MED22: variants seen among roughly 807,000 people sequenced by gnomAD.
MED22 encodes the protein mediator complex subunit 22.
In MED22, 22 loss-of-function variants were observed where a neutral mutation model predicts 22.7. The ratio of observed to expected loss-of-function variants is 0.97; its 90% CI spans 0.69 to 1.38. The LOEUF is 1.38. Among genes scored for constraint, MED22 ranks in the 40% most tolerant of loss-of-function variants. MED22 has a pLI of 0.00. For synonymous variants in MED22, 134 were observed against 119.4 expected (o/e 1.12, Z -0.80); for missense variants, 247 against 263.0 (o/e 0.94, Z 0.42).
rs1002726303 is a variant in MED22 at position 133,343,375 on chromosome 9, C to G, written c.413+750G>C. On this transcript the variant is annotated intron_variant, in intron 4 of 4. Transcript: ENST00000343730. ...TCCCTGTCTCCAGCCTAAGTTTCCCCCTAAGTAAATGATACGTAGACTCTG... is the reference window on the plus strand; with the variant it reads ...TCCCTGTCTCCAGCCTAAGTTTCCCGCTAAGTAAATGATACGTAGACTCTG... 4.1e-6 allele frequency: 5 copies of G among 1,230,398 alleles called. No individual in the cohort carries two copies. The South Asian group carries it at 2.1e-4, about 52-fold the overall frequency. 76.2% of individuals were successfully genotyped at this position (1,230,398 alleles called of 1,614,324 possible).
At chr9:133,342,809 A>G (rs2129954950) in intron 4 of MED22, 2 of 985,438 alleles carry the variant, frequency 2.0e-6, no homozygotes, top group Middle Eastern at 5.2e-4. Context: ...CCTGGCACAG[A>G]TGTCCTGGGT....
chr9:133,343,596 T>C, intron 4 of MED22: 2 of 1,243,708 alleles, frequency 1.6e-6, no homozygotes, highest in South Asian at 3.9e-5. Flanking sequence ...TTCAAGGCCA[T>C]TCCCTGCCTG....
chr9:133,341,947 A>G, intron 4 of MED22: 1 of 1,284,810 alleles, frequency 7.8e-7, no homozygotes, highest in Non-Finnish European at 9.8e-7. Flanking sequence ...CAGCTGTGTG[A>G]CCTCAGCAGG....
At chr9:133,347,626 T>G (rs2129972784) in intron 1 of MED22, 3 of 151,136 alleles carry the variant, frequency 2.0e-5, no homozygotes, top group African/African-American at 7.3e-5. Context: ...TCTCGGCCTC[T>G]GCCCTCCAGC....
chr9:133,344,448 G>T, intron 3 of MED22, 115 bp from the exon 4 acceptor site: 1 of 1,004,824 alleles, frequency 1.0e-6, no homozygotes, highest in Non-Finnish European at 1.5e-6. Flanking sequence ...TTCCTCATCT[G>T]CAAAGTGGGA....
rs1835976929 is a variant in MED22 at position 133,340,525 on chromosome 9, G to A, written c.*980C>T. Reference sequence around the variant, plus strand: ...TGTGACTTCTGCATTTCTAAGGTGAGCCTGGCACCAAAAGACACTGGGTCT... The same window carrying A: ...TGTGACTTCTGCATTTCTAAGGTGAACCTGGCACCAAAAGACACTGGGTCT... On this transcript the variant is annotated 3_prime_UTR_variant, in exon 5 of 5. Coordinates refer to ENST00000343730, the MANE Select transcript of MED22 (RefSeq NM_133640.5). The A allele has an allele frequency of 6.6e-6, 1 of 152,180 alleles. No individual in the cohort carries two copies. The allele number at this position is 152,180 out of a possible 1,614,324, so 9.4% of individuals were successfully genotyped here.
intron 4 of MED22, chr9:133,343,573 A>C (rs1290466492): frequency 1.6e-6 from 2 of 1,241,046 alleles, no homozygotes; most frequent in East Asian, 3.1e-5. Flanking sequence ...CACGAATTGG[A>C]GCTCCAATGG....
chr9:133,339,601 T>G lies in MED22; in HGVS notation c.*1904A>C, dbSNP rs1304924152. ...ATATGCAATCATCATCCATTCTGGTTGTGGTGATGGACGAAGGAGAATGTG... is the reference window on the plus strand; with the variant it reads ...ATATGCAATCATCATCCATTCTGGTGGTGGTGATGGACGAAGGAGAATGTG... On this transcript the variant is annotated 3_prime_UTR_variant, in exon 5 of 5. Coordinates refer to ENST00000343730, the MANE Select transcript of MED22 (RefSeq NM_133640.5). The G allele has an allele frequency of 4.6e-6, 2 of 436,896 alleles. No homozygotes were observed. The highest frequency in any genetic ancestry group is 6.7e-4 in the Middle Eastern group (1 of 1,490). The allele number at this position is 436,896 out of a possible 1,614,324, so 27.1% of individuals were successfully genotyped here.
rs145949119 is a variant in MED22, at chr9:133,341,587, G to A, written c.521C>T (p.Pro174Leu). Reference protein sequence around the residue: ...DGLSAPLLASPEPSAGPLQVA... With the variant: ...DGLSAPLLASLEPSAGPLQVA... Reference sequence around the variant, plus strand: ...CTGTAGGGGGCCAGCACTGGGCTCCGGGGACGCCAGCAGAGGGGCCGAGAG... The same window carrying A: ...CTGTAGGGGGCCAGCACTGGGCTCCAGGGACGCCAGCAGAGGGGCCGAGAG... Residue 174 changes from proline to leucine, a missense_variant, in exon 5 of 5, where the codon CCG (proline) becomes CTG (leucine). Coordinates refer to ENST00000343730, the MANE Select transcript of MED22 (RefSeq NM_133640.5). 69 of 1,582,666 alleles carry A rather than the reference G, an allele frequency of 4.4e-5. No homozygotes were observed. Among genetic ancestry groups the A allele is most frequent in the Middle Eastern group, 1.7e-4 (1 of 5,840 alleles).
At chr9:133,345,856 C>T (rs2129966454) in intron 2 of MED22, among the ~76,000 whole-genome samples, 20 of 152,272 alleles carry the variant, frequency 1.3e-4, no homozygotes, top group Non-Finnish European at 2.6e-4. Flanking sequence ...ACCCAGACTT[C>T]GTGGGTTCAA....
Position 133,339,566 on chromosome 9 carries a change from A to G in MED22, c.*1939T>C, listed in dbSNP as rs1480572275. The G allele has an allele frequency of 2.1e-6, 1 of 484,800 alleles. No homozygotes were observed. Among genetic ancestry groups the G allele is most frequent in the Non-Finnish European group, 3.7e-6 (1 of 268,958 alleles). 30.0% of individuals were successfully genotyped at this position (484,800 alleles called of 1,614,324 possible). A position where few individuals can be genotyped will look rare whatever the true frequency, so the allele number is the denominator to read the frequency against. On this transcript the variant is annotated 3_prime_UTR_variant, in exon 5 of 5. Transcript: ENST00000343730. ...ACTGAAGAAATCTGAATACAGCTAG[A>G]TACCAGAGGATATGCAATCATCATC...
chr9:133,344,533 G>C (rs1479931177), intron 3 of MED22, among the ~76,000 whole-genome samples, 200 bp from the exon 4 acceptor site: 1 of 152,180 alleles, frequency 6.6e-6, no homozygotes, highest in Non-Finnish European at 1.5e-5. Context: ...TGCAGGGCAG[G>C]CCCTCCCCTC....
At position 133,348,071 on chromosome 9, in the gene MED22, GA is replaced by G. The variant is rs2129975967; in HGVS notation, c.-189del. On this transcript the variant is annotated 5_prime_UTR_variant, in exon 1 of 5. Transcript: ENST00000343730. Reference sequence around the variant, plus strand: ...TCTCTTCCCCGCCGCGCCGCGGTCCGAAAACCTAGTCAGCCGCCGCAGCCTC... The same window carrying G: ...TCTCTTCCCCGCCGCGCCGCGGTCCGAAACCTAGTCAGCCGCCGCAGCCTC... The G allele has an allele frequency of 8.0e-5, 75 of 935,594 alleles. No individual in the cohort carries two copies. In the African/African-American group the frequency reaches 1.1e-3, roughly 13 times the overall value. 58.0% of individuals were successfully genotyped at this position (935,594 alleles called of 1,614,324 possible). A position where few individuals can be genotyped will look rare whatever the true frequency, so the allele number is the denominator to read the frequency against.
Position 133,346,524 on chromosome 9 carries a change from G to T in MED22, c.123+16C>A. On this transcript the variant is annotated intron_variant, in intron 2 of 4. Coordinates refer to ENST00000343730, the MANE Select transcript of MED22 (RefSeq NM_133640.5). ...TCTCAGACTCTGCTCCCCTTGGTGGGCCACCCCACCCCCACCTTGGCGGTC... is the reference window on the plus strand; with the variant it reads ...TCTCAGACTCTGCTCCCCTTGGTGGTCCACCCCACCCCCACCTTGGCGGTC... The T allele has an allele frequency of 1.9e-6, 3 of 1,611,372 alleles. No individual in the cohort carries two copies. Among genetic ancestry groups the T allele is most frequent in the Non-Finnish European group, 1.7e-6 (2 of 1,179,730 alleles).
rs1265686165 is a variant in MED22, at chr9:133,346,506, C to G, written c.123+34G>C. The G allele has an allele frequency of 2.5e-6, 4 of 1,610,508 alleles. No individual in the cohort carries two copies. The African/African-American group carries it at 5.3e-5, about 22-fold the overall frequency. On this transcript the variant is annotated intron_variant, in intron 2 of 4. Transcript: ENST00000343730. Reference sequence around the variant, plus strand: ...TCTCCTGTCTCCACCCCTTCTCAGACTCTGCTCCCCTTGGTGGGCCACCCC... The same window carrying G: ...TCTCCTGTCTCCACCCCTTCTCAGAGTCTGCTCCCCTTGGTGGGCCACCCC...
intron 4 of MED22, chr9:133,343,167 C>T (rs1836063000): frequency 2.8e-6 from 3 of 1,064,330 alleles, no homozygotes; most frequent in Middle Eastern, 4.3e-4. Context: ...GAAACCAAGC[C>T]CCAGGTCATG....
rs2129969619 is a variant in MED22, at chr9:133,346,680, C to G, written c.-18G>C. The G allele has an allele frequency of 2.5e-6, 4 of 1,609,274 alleles. No homozygotes were observed. Among genetic ancestry groups the G allele is most frequent in the Non-Finnish European group, 3.4e-6 (4 of 1,179,716 alleles). ...TGGGCCATGGCCGAGCCTCAAGCAGCGCAGCGGGGAGACCTGGGACCTAGA... is the reference window on the plus strand; with the variant it reads ...TGGGCCATGGCCGAGCCTCAAGCAGGGCAGCGGGGAGACCTGGGACCTAGA... On this transcript the variant is annotated 5_prime_UTR_variant, in exon 2 of 5. Transcript: ENST00000343730.
intron 4 of MED22, chr9:133,343,454 G>T: frequency 8.1e-7 from 1 of 1,227,456 alleles, no homozygotes; most frequent in Non-Finnish European, 1.0e-6. Context: ...TTCTTACGGA[G>T]CCCCACAAGG....
Position 133,339,668 on chromosome 9 carries a change from G to T in MED22, c.*1837C>A. The T allele has an allele frequency of 5.9e-6, 2 of 341,690 alleles. No homozygotes were observed. The highest frequency in any genetic ancestry group is 2.9e-5 in the South Asian group (1 of 33,936). The allele number at this position is 341,690 out of a possible 1,614,324, so 21.2% of individuals were successfully genotyped here. On this transcript the variant is annotated 3_prime_UTR_variant, in exon 5 of 5. Coordinates refer to ENST00000343730, the MANE Select transcript of MED22 (RefSeq NM_133640.5). Reference sequence around the variant, plus strand: ...GACAAGTACTTCCATGAGTTCCACTGCCCTCAAAATAAAAAGCTTGGGATA... The same window carrying T: ...GACAAGTACTTCCATGAGTTCCACTTCCCTCAAAATAAAAAGCTTGGGATA...
Sources: allele counts gnomAD v4.1 joint callset (sites outside exome capture counted in the v4.1 genomes callset), GRCh38; gene constraint gnomAD v4.1.1; transcripts MANE v1.5; gene names NCBI Gene and HGNC (gene_info 2026-07-23, HGNC 2026-07-21).